Variants in METTL17 observed in about 807,000 individuals in gnomAD.
METTL17 encodes methyltransferase like 17, also known as ribosome assembly protein METTL17, mitochondrial.
METTL17 carries 49 observed loss-of-function variants against 59.4 expected under a neutral mutation model. The observed-to-expected ratio is 0.82, with a 90% confidence interval of 0.66 to 1.05. METTL17 has a LOEUF of 1.05. Among genes scored for constraint, METTL17 ranks in the 50% least tolerant of loss-of-function variants. METTL17 has a pLI of 0.00. For missense variants in METTL17, 555 were observed against 578.4 expected, an observed-to-expected ratio of 0.96 and a Z score of 0.41; for synonymous variants, 208 against 209.2, an observed-to-expected ratio of 0.99 and a Z score of 0.05.
intron 3 of METTL17, 73 bp downstream of exon 3, chr14:20,990,671 C>T: frequency 1.9e-6 from 3 of 1,559,802 alleles, no homozygotes; most frequent in Non-Finnish European, 1.7e-6. Flanking sequence ...AGAAATAATT[C>T]TACAATCTCT....
chr14:20,995,044 T>C (rs1159721368), intron 9 of METTL17, 121 bp from the exon 10 acceptor site: 10 of 1,142,670 alleles, frequency 8.8e-6, no homozygotes, highest in Non-Finnish European at 1.2e-5. Flanking sequence ...CCATCCTGAT[T>C]ATGTAATGCC....
chr14:20,993,905 G>T, intron 6 of METTL17, 64 bp from the exon 7 acceptor site: 1 of 1,212,994 alleles, frequency 8.2e-7, no homozygotes, highest in Non-Finnish European at 1.2e-6. Flanking sequence ...GTGTAAATGG[G>T]CCTCTTGTAG....
At chr14:20,990,187 T>G in intron 1 of METTL17, 43 bp from the exon 2 acceptor site, 1 of 1,613,284 alleles carries the variant, frequency 6.2e-7, no homozygotes, top group South Asian at 1.1e-5. Flanking sequence ...GCCAGCAACT[T>G]TCCTTTCTGC....
Position 20,992,161 on chromosome 14 carries a change from G to A in METTL17, c.402G>A (p.Val134=), listed in dbSNP as rs760760677. ...CAGAGGAGAAACTTCGTGGAGCAGT[G>A]CTACACGCACTACGTAAAACTACCT... is the stretch of plus-strand genomic sequence containing the variant. ...SQTEEKLRGA[V]LHALRKTTYH... The change falls in exon 4 of 14, where the codon GTG becomes GTA. Residue 134 remains valine (V), a synonymous_variant. Transcript: ENST00000339374. 5.9e-5 allele frequency: 95 copies of A among 1,612,624 alleles called. 1 individual carries two copies. The East Asian group carries it at 2.1e-3, about 36-fold the overall frequency.
chr14:20,992,749 G>A, intron 5 of METTL17, 127 bp downstream of exon 5: 2 of 700,928 alleles, frequency 2.9e-6, no homozygotes, highest in Non-Finnish European at 2.5e-6. Flanking sequence ...GATCTCCGCT[G>A]GACATAGTGG....
chr14:20,996,929 C>A lies in METTL17; in HGVS notation c.*39C>A. The A allele has an allele frequency of 6.4e-7, 1 of 1,572,758 alleles. No individual in the cohort carries two copies. The highest frequency in any genetic ancestry group is 8.6e-7 in the Non-Finnish European group (1 of 1,158,252). ...CAAGTATTTTCTTCTATCGTGCCTG[C>A]CAGGGCTGAAGCTGCCTGGTATCCA... is the stretch of plus-strand genomic sequence containing the variant. On this transcript the variant is annotated 3_prime_UTR_variant, in exon 14 of 14. Coordinates refer to ENST00000339374, the MANE Select transcript of METTL17 (RefSeq NM_022734.3).
chr14:20,992,508 C>T (rs775108483), intron 4 of METTL17, 33 bp from the exon 5 acceptor site: 6 of 1,503,980 alleles, frequency 4.0e-6, no homozygotes, highest in Non-Finnish European at 9.2e-7. Flanking sequence ...AGGTTATTTA[C>T]TAGTATGTAC....
At chr14:20,993,620 G>A (rs1050039748) in intron 6 of METTL17, 2 of 218,928 alleles carry the variant, frequency 9.1e-6, no homozygotes, top group East Asian at 1.2e-4. Flanking sequence ...GACTACAGGT[G>A]CACGCCACCA....
rs775521352 is a variant in METTL17, at chr14:20,996,723, G to A, written c.1265+12G>A. On this transcript the variant is annotated intron_variant, in intron 13 of 13. Transcript: ENST00000339374. ...CGCCGGCACGGCAGGTATGGGGGGT[G>A]TGACCAAAATCAGTGGGATGTGGCA... The A allele has an allele frequency of 1.9e-6, 3 of 1,614,126 alleles. No individual in the cohort carries two copies. Among genetic ancestry groups the A allele is most frequent in the African/African-American group, 1.3e-5 (1 of 74,946 alleles).
Position 20,996,908 on chromosome 14 carries a change from T to C in METTL17, c.*18T>C. 1.3e-6 allele frequency: 2 copies of C among 1,590,260 alleles called. No individual in the cohort carries two copies. Among genetic ancestry groups the C allele is most frequent in the Non-Finnish European group, 1.7e-6 (2 of 1,167,098 alleles). ...AGAGTTGATGAGGATGTGTAACAAGTATTTTCTTCTATCGTGCCTGCCAGG... is the reference window on the plus strand; with the variant it reads ...AGAGTTGATGAGGATGTGTAACAAGCATTTTCTTCTATCGTGCCTGCCAGG... On this transcript the variant is annotated 3_prime_UTR_variant, in exon 14 of 14. Transcript: ENST00000339374.
At chr14:20,991,072 C>T (rs777291540) in intron 3 of METTL17, among the ~76,000 whole-genome samples, 11 of 152,158 alleles carry the variant, frequency 7.2e-5, no homozygotes, top group African/African-American at 1.9e-4. Flanking sequence ...AGGTGATCCG[C>T]CCACCTTGGC....
chr14:20,995,348 G>A (rs572842426), intron 10 of METTL17, 115 bp downstream of exon 10: 141 of 907,024 alleles, frequency 1.6e-4, no homozygotes, highest in Middle Eastern at 4.4e-4. Flanking sequence ...GAAACTGGGC[G>A]TATGAAGTCA....
In METTL17 at chr14:20,995,229, TTAAGG is replaced by T; in HGVS notation, c.945+2_945+6del. The T allele has an allele frequency of 6.2e-7, 1 of 1,614,012 alleles. No homozygotes were observed. Among genetic ancestry groups the T allele is most frequent in the South Asian group, 1.1e-5 (1 of 91,084 alleles). Reference sequence around the variant, plus strand: ...CTCATGGATGCCAGGGATCTGGTCCTTAAGGTAAGGCTTCTTCTTCCCTCACTCCC... The same window carrying T: ...CTCATGGATGCCAGGGATCTGGTCCTTAAGGCTTCTTCTTCCCTCACTCCC... On this transcript the variant is annotated splice_donor_variant and coding_sequence_variant, in exon 10 of 14. Transcript: ENST00000339374. LOFTEE classifies it high-confidence loss of function.
At chr14:20,993,003 A>C (rs757929690) in intron 5 of METTL17, 115 bp from the exon 6 acceptor site, 70 of 854,852 alleles carry the variant, frequency 8.2e-5, no homozygotes, top group Non-Finnish European at 1.3e-4. Flanking sequence ...TTTGTATTGA[A>C]TCTCAAAAGG....
intron 10 of METTL17, 73 bp downstream of exon 10, chr14:20,995,306 G>A: frequency 1.5e-6 from 2 of 1,363,332 alleles, no homozygotes; most frequent in Non-Finnish European, 2.1e-6. Flanking sequence ...AAACGAAAGA[G>A]ACTGTCATGT....
rs775966929 is a variant in METTL17, at chr14:20,996,530, A to G, written c.1084A>G (p.Lys362Glu). Residue 362 changes from lysine to glutamate, a missense_variant, in exon 13 of 14, where the codon AAG becomes GAG. Lys to Glu is a moderately conservative substitution (Grantham distance 56). Transcript: ENST00000339374. Reference sequence around the variant, plus strand: ...GTCTCTATGTTCCTTATCTTAGAACAAGAAACCAAAGGAAGAAAAGTTCTC... The same window carrying G: ...GTCTCTATGTTCCTTATCTTAGAACGAGAAACCAAAGGAAGAAAAGTTCTC... ...AYHPIPFSWN[K>E]KPKEEKFSMV... is the part of the protein sequence containing the mutation. 6.2e-7 allele frequency: 1 copy of G among 1,609,420 alleles called. No individual in the cohort carries two copies. Among genetic ancestry groups the G allele is most frequent in the South Asian group, 1.1e-5 (1 of 90,902 alleles).
At chr14:20,990,104 G>A in intron 1 of METTL17, 27 bp downstream of exon 1, 1 of 1,612,484 alleles carries the variant, frequency 6.2e-7, no homozygotes, top group Non-Finnish European at 8.5e-7. Flanking sequence ...CCTGCTGTCG[G>A]AGAGACTCTG....
chr14:20,995,168 CTGGTGG>C lies in METTL17; in HGVS notation c.881_886del (p.Leu294_Glu296delinsGln), dbSNP rs1880289490. 6.2e-7 allele frequency: 1 copy of C among 1,613,868 alleles called. No homozygotes were observed. The highest frequency in any genetic ancestry group is 1.1e-5 in the South Asian group (1 of 91,086). On this transcript the variant is annotated inframe_deletion, in exon 10 of 14. Transcript: ENST00000339374. Reference sequence around the variant, plus strand: ...TATTTTCCCCTTTTGTGAACAGGTACTGGTGGAGAATGGAACAAAAGCTGGGCACAG... The same window carrying C: ...TATTTTCCCCTTTTGTGAACAGGTACAGAATGGAACAAAAGCTGGGCACAG...
chr14:20,994,204 G>A (rs1033271256), intron 7 of METTL17, 141 bp downstream of exon 7: 2 of 660,150 alleles, frequency 3.0e-6, no homozygotes, highest in South Asian at 1.9e-5. Context: ...CAAGCAAAGG[G>A]TGGTATTAGA....
Sources: gnomAD v4.1 joint callset for allele counts (sites outside exome capture counted in the v4.1 genomes callset) on GRCh38, gnomAD v4.1.1 for gene constraint, MANE v1.5 for transcripts, NCBI Gene and HGNC (gene_info 2026-07-23, HGNC 2026-07-21) for gene names.